The following CD2AP variants were observed in gnomAD, a reference collection of about 807,000 sequenced individuals.
The protein encoded by CD2AP is CD2-associated protein.
In CD2AP, 46 loss-of-function variants were observed where a neutral mutation model predicts 85.1. That is an observed-to-expected ratio of 0.54 (90% CI 0.43 to 0.69). CD2AP has a LOEUF of 0.69. Ranked by LOEUF, CD2AP falls within the 30% of genes least tolerant of loss-of-function variation. The pLI, the probability that CD2AP is intolerant of heterozygous loss-of-function variation, is 0.00. For missense variants in CD2AP, 769 were observed against 729.5 expected (o/e 1.05, Z -0.62); for synonymous variants, 255 against 252.9 (o/e 1.01, Z -0.08).
At chr6:47,502,786 C>T (rs1485745453) in intron 1 of CD2AP, among the ~76,000 whole-genome samples, 1 of 152,004 alleles carries the variant, frequency 6.6e-6, no homozygotes, top group Non-Finnish European at 1.5e-5. Context: ...GCTATTGCAC[C>T]TGGCCTGAAC....
chr6:47,552,007 T>A (rs2114058063), intron 4 of CD2AP, among the ~76,000 whole-genome samples: 1 of 152,114 alleles, frequency 6.6e-6, no homozygotes, highest in African/African-American at 2.4e-5. Flanking sequence ...TCGTAAGCCA[T>A]CAAGATTTAA....
chr6:47,497,262 C>T (rs1333935955), intron 1 of CD2AP, among the ~76,000 whole-genome samples: 4 of 148,588 alleles, frequency 2.7e-5, no homozygotes, highest in South Asian at 4.2e-4. Flanking sequence ...CTTTCCTTCC[C>T]TTCCTTTTTT....
At chr6:47,519,248 C>G (rs898115451) in intron 2 of CD2AP, among the ~76,000 whole-genome samples, 2 of 152,078 alleles carry the variant, frequency 1.3e-5, no homozygotes, top group Non-Finnish European at 2.9e-5. Flanking sequence ...GTTGGGTGGT[C>G]TAGAATAACA....
At chr6:47,619,313 A>T (rs1769682093) in intron 17 of CD2AP, among the ~76,000 whole-genome samples, 1 of 151,934 alleles carries the variant, frequency 6.6e-6, no homozygotes, top group African/African-American at 2.4e-5. Flanking sequence ...TGTCCATGAG[A>T]ACATACAATG....
At chr6:47,512,367 A>G (rs1025296230) in intron 2 of CD2AP, among the ~76,000 whole-genome samples, 1 of 152,160 alleles carries the variant, frequency 6.6e-6, no homozygotes, top group African/African-American at 2.4e-5. Flanking sequence ...AAAAAGGTGC[A>G]TGTTATTTTG....
chr6:47,501,398 A>T (rs992854938), intron 1 of CD2AP, among the ~76,000 whole-genome samples: 2 of 152,192 alleles, frequency 1.3e-5, no homozygotes, highest in African/African-American at 4.8e-5. Context: ...CATTTAAACA[A>T]GGTTTTTCAG....
chr6:47,490,489 A>T (rs1221940531), intron 1 of CD2AP, among the ~76,000 whole-genome samples: 1 of 152,170 alleles, frequency 6.6e-6, no homozygotes, highest in Non-Finnish European at 1.5e-5. Context: ...ATGAAGAATG[A>T]TAATATTTAA....
At chr6:47,545,837 TG>T in intron 4 of CD2AP, among the ~76,000 whole-genome samples, 1 of 152,110 alleles carries the variant, frequency 6.6e-6, no homozygotes, top group Middle Eastern at 3.4e-3. Context: ...GAGCACCCCA[TG>T]GGACAAAAAG....
At chr6:47,531,493 G>A (rs1429900246) in intron 2 of CD2AP, among the ~76,000 whole-genome samples, 2 of 150,290 alleles carry the variant, frequency 1.3e-5, no homozygotes, top group African/African-American at 4.9e-5. Context: ...TTTATTTAAG[G>A]TATGTACTGG....
chr6:47,538,829 C>A (rs1039859950), intron 3 of CD2AP, among the ~76,000 whole-genome samples: 62 of 152,146 alleles, frequency 4.1e-4, no homozygotes, highest in African/African-American at 1.5e-3. Flanking sequence ...ACATGAAATA[C>A]CTAACTATTC....
At position 47,478,758 on chromosome 6, in the gene CD2AP, G is replaced by A. The variant is rs550805893; in HGVS notation, c.4+510G>A. ...TTTCCTGCTGAAACTCGCAAGGGGT[G>A]CCTCAAGGACAGGAAAGCTTGAGTA... On this transcript the variant is annotated intron_variant, in intron 1 of 17. Transcript: ENST00000359314. 3.3e-5 allele frequency among the ~76,000 whole-genome samples: 5 copies of A among 152,154 alleles called. No homozygotes were observed. The East Asian group carries it at 9.6e-4, about 29-fold the overall frequency.
chr6:47,552,120 C>T (rs956409077), intron 4 of CD2AP, among the ~76,000 whole-genome samples: 1 of 151,404 alleles, frequency 6.6e-6, no homozygotes, highest in Non-Finnish European at 1.5e-5. Context: ...GAATTTCAGT[C>T]CTTGCAGTCT....
chr6:47,532,117 C>G (rs1766897471), intron 2 of CD2AP, among the ~76,000 whole-genome samples: 1 of 151,894 alleles, frequency 6.6e-6, no homozygotes, highest in Admixed American at 6.6e-5. Context: ...TTAAAACAAT[C>G]TGTAATACTT....
Position 47,478,253 on chromosome 6 carries a change from G to C in CD2AP, c.4+5G>C. 5 of 1,571,990 alleles carry C rather than the reference G, an allele frequency of 3.2e-6. No individual in the cohort carries two copies. Among genetic ancestry groups the C allele is most frequent in the Non-Finnish European group, 4.3e-6 (5 of 1,159,200 alleles). ...CCGCGGGAGCCCCCAGCATGGGTAA[G>C]AGACTCGGGCGCTTCCCGCCGCCCG... On this transcript the variant is annotated splice_donor_5th_base_variant and intron_variant, in intron 1 of 17. Coordinates refer to ENST00000359314, the MANE Select transcript of CD2AP (RefSeq NM_012120.3).
At chr6:47,546,516 A>G (rs1393205195) in intron 4 of CD2AP, among the ~76,000 whole-genome samples, 1 of 152,178 alleles carries the variant, frequency 6.6e-6, no homozygotes, top group Non-Finnish European at 1.5e-5. Context: ...GAAATTTATC[A>G]CAAAAAGATT....
chr6:47,578,239 C>T (rs550372952), intron 8 of CD2AP, among the ~76,000 whole-genome samples: 10 of 152,212 alleles, frequency 6.6e-5, no homozygotes, highest in Admixed American at 1.3e-4. Flanking sequence ...CTAGCTTTGT[C>T]GCCCAGGCTG....
chr6:47,542,264 A>G (rs1373248470), intron 3 of CD2AP, among the ~76,000 whole-genome samples: 1 of 152,092 alleles, frequency 6.6e-6, no homozygotes, highest in Non-Finnish European at 1.5e-5. Flanking sequence ...ATTAAGAAAA[A>G]TCTTGTTAGG....
chr6:47,528,879 T>C (rs530638988), intron 2 of CD2AP, among the ~76,000 whole-genome samples: 1 of 152,312 alleles, frequency 6.6e-6, no homozygotes, highest in East Asian at 1.9e-4. Flanking sequence ...TGACTTTTAA[T>C]ATTTCTTTGT....
At chr6:47,600,118 G>C (rs1233151673) in intron 13 of CD2AP, among the ~76,000 whole-genome samples, 1 of 151,540 alleles carries the variant, frequency 6.6e-6, no homozygotes, top group Non-Finnish European at 1.5e-5. Flanking sequence ...TTGCATTTGT[G>C]TTTAGTTTTT....
Sources: gnomAD v4.1 joint callset for allele counts (sites outside exome capture counted in the v4.1 genomes callset) on GRCh38, gnomAD v4.1.1 for gene constraint, MANE v1.5 for transcripts, NCBI Gene and HGNC (gene_info 2026-07-23, HGNC 2026-07-21) for gene names.